Variants in RBFOX1 observed in about 807,000 individuals in gnomAD.
RBFOX1 encodes the protein RNA binding fox-1 homolog 1, also known as RNA binding protein fox-1 homolog 1.
RBFOX1 carries 8 observed loss-of-function variants against 57.7 expected under a neutral mutation model. That is an observed-to-expected ratio of 0.14 (90% confidence interval 0.08 to 0.25). RBFOX1 has a LOEUF of 0.25. Ranked by LOEUF, RBFOX1 falls within the 10% of genes least tolerant of loss-of-function variation. The pLI is 1.00. For missense variants in RBFOX1, 611 were observed against 548.5 expected, an observed-to-expected ratio of 1.11 and a Z score of -1.14; for synonymous variants, 326 against 222.4, an observed-to-expected ratio of 1.47 and a Z score of -4.15.
At chr16:5,298,263 C>T (rs925722238) in intron 1 of RBFOX1, among the ~76,000 whole-genome samples, 6 of 152,118 alleles carry the variant, frequency 3.9e-5, no homozygotes, top group Non-Finnish European at 7.4e-5. Context: ...AAATAAAATA[C>T]ATTGTAGGCA....
chr16:6,711,944 T>G (rs1375326266), intron 3 of RBFOX1, among the ~76,000 whole-genome samples: 4 of 152,176 alleles, frequency 2.6e-5, no homozygotes, highest in East Asian at 3.9e-4. Context: ...ATTTCTTGTC[T>G]CCCATTCTTC....
chr16:5,275,761 G>A (rs2151134613), intron 1 of RBFOX1, among the ~76,000 whole-genome samples: 1 of 152,246 alleles, frequency 6.6e-6, no homozygotes, highest in South Asian at 2.1e-4. Context: ...CAATCTAGAG[G>A]CATCACATTA....
At chr16:5,845,904 G>A (rs543728987) in intron 3 of RBFOX1, among the ~76,000 whole-genome samples, 1 of 152,272 alleles carries the variant, frequency 6.6e-6, no homozygotes, top group East Asian at 1.9e-4. Flanking sequence ...CTGGCGTGGT[G>A]GCTCACGCCT....
At chr16:5,842,735 A>G (rs773889973) in intron 3 of RBFOX1, among the ~76,000 whole-genome samples, 47 of 152,190 alleles carry the variant, frequency 3.1e-4, no homozygotes, top group Non-Finnish European at 5.7e-4. Flanking sequence ...GTCCCATAAT[A>G]ATAACAAGGT....
At chr16:5,303,974 C>A (rs571137187) in intron 1 of RBFOX1, among the ~76,000 whole-genome samples, 1 of 152,184 alleles carries the variant, frequency 6.6e-6, no homozygotes, top group East Asian at 1.9e-4. Context: ...TTAAATGGAA[C>A]TTTTCTCTAT....
chr16:7,169,859 C>G (rs1359960712), intron 4 of RBFOX1, among the ~76,000 whole-genome samples: 2 of 152,182 alleles, frequency 1.3e-5, no homozygotes, highest in Non-Finnish European at 1.5e-5. Context: ...TCGCTTGAGT[C>G]CAGGAGTTCA....
chr16:7,424,111 C>G (rs921277738), intron 4 of RBFOX1, among the ~76,000 whole-genome samples: 4 of 152,066 alleles, frequency 2.6e-5, no homozygotes, highest in Non-Finnish European at 5.9e-5. Context: ...GCATTCAGAG[C>G]TTCTTAAGTA....
intron 4 of RBFOX1, among the ~76,000 whole-genome samples, chr16:7,350,924 G>A (rs138614096): frequency 1.3e-5 from 2 of 152,258 alleles, no homozygotes; most frequent in Non-Finnish European, 2.9e-5. Flanking sequence ...CATCCAAAGG[G>A]GTTACATGCA....
chr16:6,861,925 G>C (rs1403508807), intron 3 of RBFOX1, among the ~76,000 whole-genome samples: 2 of 147,426 alleles, frequency 1.4e-5, no homozygotes, highest in African/African-American at 5.1e-5. Flanking sequence ...TCTGGCACTG[G>C]CAGGGGGTCT....
At chr16:7,379,935 G>T (rs886120792) in intron 4 of RBFOX1, among the ~76,000 whole-genome samples, 1 of 151,972 alleles carries the variant, frequency 6.6e-6, no homozygotes, top group African/African-American at 2.4e-5. Context: ...TCACCCCACA[G>T]CCTTGGCCTC....
chr16:6,330,961 T>A (rs1322401473), intron 2 of RBFOX1, among the ~76,000 whole-genome samples: 1 of 152,130 alleles, frequency 6.6e-6, no homozygotes, highest in Non-Finnish European at 1.5e-5. Context: ...AGGATGGAAT[T>A]GAAAGAGCAG....
chr16:5,719,384 G>A (rs1393940648), intron 3 of RBFOX1, among the ~76,000 whole-genome samples: 1 of 138,688 alleles, frequency 7.2e-6, no homozygotes. Context: ...TTTTTTTTTT[G>A]TATTTTTAGT....
chr16:7,362,118 T>C (rs958297425), intron 4 of RBFOX1, among the ~76,000 whole-genome samples: 4 of 151,878 alleles, frequency 2.6e-5, no homozygotes, highest in African/African-American at 7.3e-5. Flanking sequence ...TGTATGTGTG[T>C]GGATGTTTTG....
chr16:5,883,050 C>G (rs1475463363), intron 4 of RBFOX1, among the ~76,000 whole-genome samples: 1 of 152,142 alleles, frequency 6.6e-6, no homozygotes, highest in Non-Finnish European at 1.5e-5. Flanking sequence ...CTGCTCAAAG[C>G]CTGTACAAGC....
At chr16:6,861,210 C>T (rs893051488) in intron 3 of RBFOX1, among the ~76,000 whole-genome samples, 5 of 152,042 alleles carry the variant, frequency 3.3e-5, no homozygotes, top group African/African-American at 4.8e-5. Flanking sequence ...CTACAGTTAC[C>T]GCTGTGTCTG....
intron 1 of RBFOX1, among the ~76,000 whole-genome samples, chr16:6,058,545 GT>G (rs1567351831): frequency 6.6e-6 from 1 of 151,974 alleles, no homozygotes; most frequent in Non-Finnish European, 1.5e-5. Flanking sequence ...TTATATATCT[GT>G]TTATTCATCC....
At chr16:6,115,705 A>C (rs556583121) in intron 1 of RBFOX1, among the ~76,000 whole-genome samples, 1 of 152,210 alleles carries the variant, frequency 6.6e-6, no homozygotes, top group South Asian at 2.1e-4. Flanking sequence ...TCTTGCAACT[A>C]CTTATTGTTT....
intron 2 of RBFOX1, among the ~76,000 whole-genome samples, chr16:6,318,537 A>G (rs1316579903): frequency 6.6e-6 from 1 of 152,166 alleles, no homozygotes. Flanking sequence ...ATGGGTTTTC[A>G]GATCATACAT....
At chr16:7,062,709 G>T (rs1014646029) in intron 4 of RBFOX1, among the ~76,000 whole-genome samples, 1 of 152,046 alleles carries the variant, frequency 6.6e-6, no homozygotes, top group Admixed American at 6.6e-5. Context: ...ATATGGTGAA[G>T]AAAACAAGCA....
Sources: allele counts gnomAD v4.1 joint callset (sites outside exome capture counted in the v4.1 genomes callset), GRCh38; gene constraint gnomAD v4.1.1; transcripts MANE v1.5; gene names NCBI Gene and HGNC (gene_info 2026-07-23, HGNC 2026-07-21).